C7: variants seen among roughly 807,000 people sequenced by gnomAD.
C7 encodes complement component C7.
A neutral mutation model predicts 104.8 loss-of-function variants in C7; 83 were observed. That is an observed-to-expected ratio of 0.79 (90% CI 0.66 to 0.95). The LOEUF (loss-of-function observed/expected upper bound fraction) is 0.95, where lower values mean the gene tolerates loss of function less well. Among genes scored for constraint, C7 ranks in the 40% least tolerant of loss-of-function variants. The probability of loss-of-function intolerance (pLI) is 0.00; values close to 1 mark genes in which losing one functional copy is unlikely to be tolerated. For synonymous variants in C7, 415 were observed against 360.6 expected (o/e 1.15, Z -1.71); for missense variants, 1,070 against 1,011.2 (o/e 1.06, Z -0.79).
At position 40,965,018 on chromosome 5, in the gene C7, C is replaced by G. The variant is rs554006694; in HGVS notation, c.1882+145C>G. 3 of 891,276 alleles carry G rather than the reference C, an allele frequency of 3.4e-6. No individual in the cohort carries two copies. The Admixed American group carries it at 7.6e-5, about 23-fold the overall frequency. The allele number at this position is 891,276 out of a possible 1,614,324, so 55.2% of individuals were successfully genotyped here. A position where few individuals can be genotyped will look rare whatever the true frequency, so the allele number is the denominator to read the frequency against. ...CATGATCCTGTTCAAGTTTTAGGAG[C>G]GACTTGAATAAGCCCTCCGCCTTCT... On this transcript the variant is annotated intron_variant, in intron 14 of 17. Transcript: ENST00000313164.
chr5:40,962,674 T>C (rs1436145452), intron 13 of C7, among the ~76,000 whole-genome samples: 5 of 152,144 alleles, frequency 3.3e-5, no homozygotes, highest in African/African-American at 1.2e-4. Context: ...GAAAGAAGAG[T>C]AGTCATCTGC....
chr5:40,934,379 G>A lies in C7; in HGVS notation c.193G>A (p.Gly65Arg). The change falls in exon 4 of 18, where the codon GGA becomes AGA. Residue 65 changes from glycine to arginine, a missense_variant. Gly to Arg is a moderately radical substitution (Grantham distance 125). Coordinates refer to ENST00000313164, the MANE Select transcript of C7 (RefSeq NM_000587.4). ...GCAGTATGGAGGCCAGCCTTGTGTT[G>A]GAAATGCTTTTGAAACACAGTCCTG... ...YGQYGGQPCV[G>R]NAFETQSCEP... 1 of 1,613,570 alleles carries A rather than the reference G, an allele frequency of 6.2e-7. No homozygotes were observed. The highest frequency in any genetic ancestry group is 1.7e-4 in the Middle Eastern group (1 of 6,060).
intron 16 of C7, 61 bp from the exon 17 acceptor site, chr5:40,979,664 C>A: frequency 2.1e-6 from 3 of 1,397,486 alleles, no homozygotes; most frequent in South Asian, 2.8e-5. Context: ...CTTTTCATTT[C>A]TCCTTCTCAG....
intron 16 of C7, 139 bp from the exon 17 acceptor site, chr5:40,979,586 G>T (rs2111731037): frequency 1.6e-6 from 1 of 612,848 alleles, no homozygotes; most frequent in Non-Finnish European, 2.7e-6. Flanking sequence ...AAGGGGATTT[G>T]AGTTTCCACC....
At chr5:40,978,026 C>G (rs973635693) in intron 16 of C7, among the ~76,000 whole-genome samples, 1 of 151,388 alleles carries the variant, frequency 6.6e-6, no homozygotes, top group Admixed American at 6.6e-5. Context: ...CCCAGCTACT[C>G]AGGAGACTGA....
rs1234981526 is a variant in C7, at chr5:40,936,354, A to C, written c.297A>C (p.Lys99Asn). 2 of 1,613,296 alleles carry C rather than the reference A, an allele frequency of 1.2e-6. No individual in the cohort carries two copies. Among genetic ancestry groups the C allele is most frequent in the African/African-American group, 1.3e-5 (1 of 74,988 alleles). Reference protein sequence around the residue: ...FRCFSGQCISKSLVCNGDSDC... With the variant: ...FRCFSGQCISNSLVCNGDSDC... ...GGTGTTCAGGTCAGTGCATCAGCAA[A>C]TCATTGGTTTGCAATGGGGATTCTG... Residue 99 changes from lysine to asparagine, a missense_variant, in exon 5 of 18, where the codon AAA becomes AAC. Coordinates refer to ENST00000313164, the MANE Select transcript of C7 (RefSeq NM_000587.4).
chr5:40,957,549 A>G (rs2652322), intron 10 of C7, among the ~76,000 whole-genome samples: 151,888 of 152,182 alleles, frequency 1, 75,798 homozygotes, highest in Middle Eastern at 1. Context: ...TCCACCTCCC[A>G]GGTTCAAGTG....
At chr5:40,938,550 C>A (rs1037241181) in intron 6 of C7, among the ~76,000 whole-genome samples, 1 of 152,172 alleles carries the variant, frequency 6.6e-6, no homozygotes, top group Non-Finnish European at 1.5e-5. Context: ...ACTCAAATTG[C>A]TACCTCATAG....
intron 15 of C7, among the ~76,000 whole-genome samples, chr5:40,975,982 T>C (rs1443895183): frequency 6.6e-6 from 1 of 152,232 alleles, no homozygotes; most frequent in Non-Finnish European, 1.5e-5. Flanking sequence ...ATCATTCCCA[T>C]TGCAATCAGG....
chr5:40,962,305 G>C, intron 13 of C7, 133 bp downstream of exon 13: 1 of 512,700 alleles, frequency 2.0e-6, no homozygotes, highest in Non-Finnish European at 3.4e-6. Context: ...TAGTTTTAGT[G>C]GTGAGGGTTT....
intron 9 of C7, among the ~76,000 whole-genome samples, chr5:40,952,478 T>TTTTATTTATTTATTTATTTATTTA (rs147016821): frequency 0.018 from 2,689 of 149,198 alleles, 30 homozygotes; most frequent in East Asian, 0.024. Flanking sequence ...CTGTAATTCT[T>TTTTATTTATTTATTTATTTATTTA]TTTATTTATT....
Position 40,936,350 on chromosome 5 carries a change from G to C in C7, c.293G>C (p.Ser98Thr). Residue 98 changes from serine to threonine, a missense_variant, in exon 5 of 18, where the codon AGC becomes ACC. Transcript: ENST00000313164. ...RFRCFSGQCI[S>T]KSLVCNGDSD... is the part of the protein sequence containing the mutation. ...CTCTGGTGTTCAGGTCAGTGCATCA[G>C]CAAATCATTGGTTTGCAATGGGGAT... 6.2e-7 allele frequency: 1 copy of C among 1,613,272 alleles called. No individual in the cohort carries two copies. The highest frequency in any genetic ancestry group is 8.5e-7 in the Non-Finnish European group (1 of 1,179,422).
chr5:40,951,665 G>A (rs1354815720), intron 9 of C7, among the ~76,000 whole-genome samples: 1 of 152,182 alleles, frequency 6.6e-6, no homozygotes, highest in Admixed American at 6.6e-5. Context: ...TCCATAGTAT[G>A]GTAGGGGTGT....
At chr5:40,980,747 C>T (rs979322520) in intron 17 of C7, among the ~76,000 whole-genome samples, 2 of 152,202 alleles carry the variant, frequency 1.3e-5, no homozygotes, top group African/African-American at 4.8e-5. Flanking sequence ...CCCGCTGGCA[C>T]CTGTCCCCTC....
At chr5:40,957,052 A>G (rs1740303102) in intron 10 of C7, among the ~76,000 whole-genome samples, 1 of 152,252 alleles carries the variant, frequency 6.6e-6, no homozygotes. Flanking sequence ...AGGTACAGGT[A>G]CATGACTATG....
intron 8 of C7, among the ~76,000 whole-genome samples, chr5:40,949,355 A>G (rs1454851922): frequency 7.5e-6 from 1 of 133,082 alleles, no homozygotes; most frequent in African/African-American, 2.7e-5. Context: ...CAAAAAATGC[A>G]TTGGCAAAAA....
chr5:40,980,785 G>A (rs1740925999), intron 17 of C7, among the ~76,000 whole-genome samples: 1 of 152,194 alleles, frequency 6.6e-6, no homozygotes, highest in Non-Finnish European at 1.5e-5. Flanking sequence ...AGCACAGACT[G>A]ATGACATACA....
intron 9 of C7, among the ~76,000 whole-genome samples, chr5:40,954,252 A>G (rs1561250844): frequency 6.6e-6 from 1 of 152,198 alleles, no homozygotes; most frequent in Non-Finnish European, 1.5e-5. Context: ...TAAAACATAT[A>G]GACAAGAATG....
At chr5:40,933,656 C>G (rs1739744306) in intron 3 of C7, among the ~76,000 whole-genome samples, 1 of 152,072 alleles carries the variant, frequency 6.6e-6, no homozygotes, top group African/African-American at 2.4e-5. Context: ...CTTCCATATT[C>G]ATGTATTTCT....
Sources: allele counts gnomAD v4.1 joint callset (sites outside exome capture counted in the v4.1 genomes callset), GRCh38; gene constraint gnomAD v4.1.1; transcripts MANE v1.5; gene names NCBI Gene and HGNC (gene_info 2026-07-23, HGNC 2026-07-21).